Variants in DEGS2 observed in about 807,000 individuals in gnomAD.
DEGS2 encodes the protein delta 4-desaturase, sphingolipid 2.
A neutral mutation model predicts 23.8 loss-of-function variants in DEGS2; 19 were observed. The ratio of observed to expected loss-of-function variants is 0.80; its 90% confidence interval spans 0.56 to 1.17. DEGS2 has a LOEUF of 1.17. DEGS2 is among the 50% of genes most tolerant of loss of function. The probability of loss-of-function intolerance (pLI) is 0.00; values close to 1 mark genes in which losing one functional copy is unlikely to be tolerated. For missense variants in DEGS2, 390 were observed against 459.5 expected (o/e 0.85, Z 1.38); for synonymous variants, 218 against 213.7 (o/e 1.02, Z -0.18).
At chr14:100,153,189 G>C (rs562271666) in intron 1 of DEGS2, among the ~76,000 whole-genome samples, 26 of 152,104 alleles carry the variant, frequency 1.7e-4, no homozygotes, top group Non-Finnish European at 3.4e-4. Context: ...CCAGGAGTTC[G>C]GGGCTGCAGT....
chr14:100,162,270 C>T (rs907341697), upstream of DEGS2, among the ~76,000 whole-genome samples: 27 of 151,706 alleles, frequency 1.8e-4, no homozygotes, highest in African/African-American at 4.6e-4. Context: ...GGCATGAACC[C>T]GGGAGGCGGA....
intron 1 of DEGS2, among the ~76,000 whole-genome samples, chr14:100,150,720 G>A (rs1889556616): frequency 2.0e-5 from 3 of 152,142 alleles, no homozygotes; most frequent in African/African-American, 4.8e-5. Context: ...CTGTGCAGCC[G>A]CCTTTCAGGG....
At chr14:100,148,573 C>T (rs938702241) in intron 2 of DEGS2, among the ~76,000 whole-genome samples, 1 of 152,260 alleles carries the variant, frequency 6.6e-6, no homozygotes, top group African/African-American at 2.4e-5. Flanking sequence ...CCACCCTGTC[C>T]TCTCTGGCCC....
chr14:100,149,514 G>A lies in DEGS2; in HGVS notation c.279C>T (p.His93=), dbSNP rs923644805. ...CACGGCCCGTGCCGAAGGCCGCGTT[G>A]TGCGAGATGTCGTGGATGGCCAGCG... is the stretch of plus-strand genomic sequence containing the variant. ...SLTLAIHDIS[H]NAAFGTGRAA... The change falls in exon 2 of 3, where the codon CAC becomes CAT. Residue 93 remains histidine (H), a synonymous_variant. Transcript: ENST00000305631. 3.1e-6 allele frequency: 5 copies of A among 1,602,260 alleles called. No individual in the cohort carries two copies. Among genetic ancestry groups the A allele is most frequent in the Admixed American group, 1.7e-5 (1 of 58,550 alleles).
At chr14:100,154,891 C>T (rs1451313119) in intron 1 of DEGS2, among the ~76,000 whole-genome samples, 1 of 152,234 alleles carries the variant, frequency 6.6e-6, no homozygotes, top group Non-Finnish European at 1.5e-5. Context: ...CCACTCCACC[C>T]CTGCCCCTCC....
intron 1 of DEGS2, among the ~76,000 whole-genome samples, chr14:100,158,307 A>G (rs1202955044): frequency 6.6e-6 from 1 of 152,100 alleles, no homozygotes; most frequent in East Asian, 1.9e-4. Context: ...ACTACTCAGG[A>G]GGCTGAGGTA....
rs1889388451 is a variant in DEGS2, at chr14:100,144,284, G to GA, written c.*2476dup. 6.5e-6 allele frequency: 1 copy of GA among 153,076 alleles called. No homozygotes were observed. The highest frequency in any genetic ancestry group is 1.9e-4 in the East Asian group (1 of 5,206). 9.5% of individuals were successfully genotyped at this position (153,076 alleles called of 1,614,324 possible). The stretch of plus-strand genomic sequence containing the variant: ...TTGGTCCATCACGCTCCGGGCTGGG[G>GA]ATGCCCCTTTTCAGAGAAGGGCCCG... On this transcript the variant is annotated 3_prime_UTR_variant, in exon 3 of 3. Coordinates refer to ENST00000305631, the MANE Select transcript of DEGS2 (RefSeq NM_206918.3).
At chr14:100,152,773 G>A (rs896426965) in intron 1 of DEGS2, among the ~76,000 whole-genome samples, 2 of 152,050 alleles carry the variant, frequency 1.3e-5, no homozygotes, top group South Asian at 2.1e-4. Context: ...ACTGAACCAC[G>A]CTACCCCTAC....
intron 1 of DEGS2, among the ~76,000 whole-genome samples, chr14:100,153,300 T>C (rs149277869): frequency 6.7e-6 from 1 of 148,510 alleles, no homozygotes; most frequent in Non-Finnish European, 1.5e-5. Context: ...GATAGATAGA[T>C]AGATAATAGA....
intron 1 of DEGS2, among the ~76,000 whole-genome samples, chr14:100,152,419 T>C (rs1224068665): frequency 6.6e-6 from 1 of 152,154 alleles, no homozygotes; most frequent in Non-Finnish European, 1.5e-5. Flanking sequence ...TCAAGGTGTT[T>C]CCAGACTGGC....
intron 1 of DEGS2, among the ~76,000 whole-genome samples, chr14:100,156,726 G>A (rs1889663835): frequency 6.6e-6 from 1 of 152,224 alleles, no homozygotes; most frequent in Non-Finnish European, 1.5e-5. Flanking sequence ...GGCCAGGTCT[G>A]GGAGCAGTGG....
chr14:100,153,309 G>A (rs993319186), intron 1 of DEGS2, among the ~76,000 whole-genome samples: 1 of 149,516 alleles, frequency 6.7e-6, no homozygotes. Flanking sequence ...ATAGATAATA[G>A]ATGTGAGAGA....
upstream of DEGS2, among the ~76,000 whole-genome samples, chr14:100,160,858 CAG>C (rs1303239265): frequency 1.3e-5 from 2 of 152,216 alleles, no homozygotes; most frequent in African/African-American, 2.4e-5. Context: ...AAGGTGGACA[CAG>C]AGGCCAGATT....
At chr14:100,157,864 A>G (rs959535497) in intron 1 of DEGS2, among the ~76,000 whole-genome samples, 4 of 152,108 alleles carry the variant, frequency 2.6e-5, no homozygotes, top group South Asian at 2.1e-4. Flanking sequence ...GAGGCGGGTG[A>G]ATCACCTGAG....
At chr14:100,154,186 G>A (rs1218025286) in intron 1 of DEGS2, among the ~76,000 whole-genome samples, 1 of 152,132 alleles carries the variant, frequency 6.6e-6, no homozygotes, top group Non-Finnish European at 1.5e-5. Context: ...CCAACATGGT[G>A]AAACCCCGTC....
chr14:100,147,667 C>A (rs1204584216), intron 2 of DEGS2, among the ~76,000 whole-genome samples: 25 of 147,480 alleles, frequency 1.7e-4, no homozygotes, highest in South Asian at 1.5e-3. Flanking sequence ...TGCCCCCCCC[C>A]CCCAGGATGC....
intron 2 of DEGS2, among the ~76,000 whole-genome samples, chr14:100,148,026 T>C (rs1889485339): frequency 6.6e-6 from 1 of 152,144 alleles, no homozygotes; most frequent in Admixed American, 6.5e-5. Context: ...ACCGCCTTGG[T>C]ACTGCCAGCC....
At chr14:100,161,329 AG>A (rs1196861540), upstream of DEGS2, among the ~76,000 whole-genome samples, 1 of 152,170 alleles carries the variant, frequency 6.6e-6, no homozygotes, top group Admixed American at 6.5e-5. Flanking sequence ...GAGGCCAGAG[AG>A]GGGACAAGTC....
chr14:100,165,587 G>A, the DEGS2 span, among the ~76,000 whole-genome samples: 1 of 152,220 alleles, frequency 6.6e-6, no homozygotes, highest in Non-Finnish European at 1.5e-5. Context: ...GGGCGGCCGC[G>A]GACGGGCGGT....
Sources: gnomAD v4.1 joint callset for allele counts (sites outside exome capture counted in the v4.1 genomes callset) on GRCh38, gnomAD v4.1.1 for gene constraint, MANE v1.5 for transcripts, NCBI Gene and HGNC (gene_info 2026-07-23, HGNC 2026-07-21) for gene names.